PPIP5K2: variants seen among roughly 807,000 people sequenced by gnomAD.
The protein encoded by PPIP5K2 is diphosphoinositol pentakisphosphate kinase 2.
In PPIP5K2, 105 loss-of-function variants were observed where a neutral mutation model predicts 154.6. The observed-to-expected ratio is 0.68, with a 90% CI of 0.58 to 0.80. The LOEUF (loss-of-function observed/expected upper bound fraction) is 0.80. Ranked by LOEUF, PPIP5K2 falls within the 30% of genes least tolerant of loss-of-function variation. The probability of loss-of-function intolerance (pLI) is 0.00; values close to 1 mark genes in which losing one functional copy is unlikely to be tolerated. For missense variants in PPIP5K2, 992 were observed against 1,504.6 expected (o/e 0.66, Z 5.64); for synonymous variants, 480 against 490.3 (o/e 0.98, Z 0.28).
At chr5:103,154,089 T>C (rs1554212252) in intron 11 of PPIP5K2, among the ~76,000 whole-genome samples, 155 bp downstream of exon 11, 1 of 151,934 alleles carries the variant, frequency 6.6e-6, no homozygotes, top group African/African-American at 2.4e-5. Context: ...ACAAAATCCA[T>C]TTAAAATATG....
At chr5:103,124,341 TATTTGA>T (rs1554200071) in intron 1 of PPIP5K2, among the ~76,000 whole-genome samples, 1 of 151,976 alleles carries the variant, frequency 6.6e-6, no homozygotes, top group Admixed American at 6.6e-5. Flanking sequence ...GACAGAAATG[TATTTGA>T]ATTTATTTTA....
chr5:103,181,934 G>A (rs1253188997), intron 24 of PPIP5K2, among the ~76,000 whole-genome samples: 2 of 151,994 alleles, frequency 1.3e-5, no homozygotes, highest in East Asian at 1.9e-4. Flanking sequence ...TCCCTTGAAT[G>A]TGATATTTTA....
At position 103,152,702 on chromosome 5, in the gene PPIP5K2, C is replaced by G. The variant is rs782450681; in HGVS notation, c.1083C>G (p.Pro361=). The G allele has an allele frequency of 6.3e-7, 1 of 1,596,200 alleles. No homozygotes were observed. The highest frequency in any genetic ancestry group is 1.7e-5 in the Admixed American group (1 of 59,850). ...AATTTCATATTCCATGGTCAATACC[C>G]TTAGAAGCTGAAGATATCCCAATTG... ...APQFHIPWSI[P]LEAEDIPIVP... The change falls in exon 10 of 31, where the codon CCC becomes CCG. Residue 361 remains proline, a synonymous_variant. Coordinates refer to ENST00000358359, the MANE Select transcript of PPIP5K2 (RefSeq NM_001276277.3).
chr5:103,177,650 A>C lies in PPIP5K2; in HGVS notation c.2530-17A>C. 1 of 1,541,398 alleles carries C rather than the reference A, an allele frequency of 6.5e-7. No homozygotes were observed. Among genetic ancestry groups the C allele is most frequent in the East Asian group, 2.3e-5 (1 of 44,298 alleles). On this transcript the variant is annotated splice_polypyrimidine_tract_variant and intron_variant, in intron 21 of 30. Coordinates refer to ENST00000358359, the MANE Select transcript of PPIP5K2 (RefSeq NM_001276277.3). ...CACAGTTTGAGAAAATGATTACCAC[A>C]TGTATCTTTTGTTCAGGAATCAAAG...
intron 26 of PPIP5K2, among the ~76,000 whole-genome samples, chr5:103,185,395 A>G (rs1800202335): frequency 6.6e-6 from 1 of 152,152 alleles, no homozygotes. Context: ...AGGCATAAAC[A>G]GATCTCGTTG....
chr5:103,153,200 T>C (rs74430357), intron 10 of PPIP5K2, among the ~76,000 whole-genome samples: 7,909 of 151,932 alleles, frequency 0.052, 525 homozygotes, highest in African/African-American at 0.16. Context: ...TATCCTGAGA[T>C]GTACTGATGA....
At chr5:103,134,600 C>T (rs74332690) in intron 3 of PPIP5K2, among the ~76,000 whole-genome samples, 2 of 152,134 alleles carry the variant, frequency 1.3e-5, no homozygotes, top group Non-Finnish European at 2.9e-5. Context: ...AAATTTCTTC[C>T]TCCTTGAGAG....
chr5:103,202,770 T>G lies in PPIP5K2; in HGVS notation c.*1136T>G, dbSNP rs1803199266. On this transcript the variant is annotated 3_prime_UTR_variant, in exon 31 of 31. Coordinates refer to ENST00000358359, the MANE Select transcript of PPIP5K2 (RefSeq NM_001276277.3). ...GTGAACAGCTTGAAATGACTTAAAC[T>G]GTAATCCAAATGGGACAATCTGATA... is the stretch of plus-strand genomic sequence containing the variant. The G allele has an allele frequency of 6.6e-6, 1 of 152,110 alleles. No individual in the cohort carries two copies. Among genetic ancestry groups the G allele is most frequent in the Non-Finnish European group, 1.5e-5 (1 of 67,994 alleles). The allele number at this position is 152,110 out of a possible 1,614,324, so 9.4% of individuals were successfully genotyped here. A position where few individuals can be genotyped will look rare whatever the true frequency, so the allele number is the denominator to read the frequency against.
In PPIP5K2 at chr5:103,209,307, AC is replaced by A. The variant is rs1803678793; in HGVS notation, c.*7679del. On this transcript the variant is annotated 3_prime_UTR_variant, in exon 31 of 31. Transcript: ENST00000358359. The stretch of plus-strand genomic sequence containing the variant: ...CCTGCCTAGTAACAATCTAACAGAC[AC>A]CCCCCAAAAACCAAAAAATAAAGGT... The A allele has an allele frequency of 6.6e-6, 1 of 151,934 alleles. No homozygotes were observed. The highest frequency in any genetic ancestry group is 2.4e-5 in the African/African-American group (1 of 41,360). The allele number at this position is 151,934 out of a possible 1,614,324, so 9.4% of individuals were successfully genotyped here.
chr5:103,124,278 CAAAA>C (rs71226931), intron 1 of PPIP5K2, among the ~76,000 whole-genome samples: 14 of 126,872 alleles, frequency 1.1e-4, no homozygotes, highest in African/African-American at 2.8e-4. Flanking sequence ...GACTCCATCT[CAAAA>C]AAAAAAAAAA....
intron 5 of PPIP5K2, among the ~76,000 whole-genome samples, chr5:103,142,517 G>A (rs1554207443): frequency 6.6e-6 from 1 of 152,238 alleles, no homozygotes; most frequent in East Asian, 1.9e-4. Flanking sequence ...GGCTCCTCAA[G>A]CGCCGCCAAA....
chr5:103,196,940 G>T (rs1802174261), intron 30 of PPIP5K2, among the ~76,000 whole-genome samples: 1 of 152,106 alleles, frequency 6.6e-6, no homozygotes, highest in Non-Finnish European at 1.5e-5. Context: ...AGAAGGATCA[G>T]AGAAACAGAA....
rs138597989 is a variant in PPIP5K2, at chr5:103,136,794, T to C, written c.373T>C (p.Leu125=). Residue 125 remains leucine (L), a synonymous_variant, in exon 4 of 31, where the codon TTG becomes CTG. Transcript: ENST00000358359. ...CAGGAATCCATTTGTAATCAATGAC[T>C]TGAATATGCAGTATCTCATACAAGA... is the stretch of plus-strand genomic sequence containing the variant. ...KLRNPFVIND[L]NMQYLIQDRR... 4 of 1,613,524 alleles carry C rather than the reference T, an allele frequency of 2.5e-6. No individual in the cohort carries two copies. The African/African-American group carries it at 5.3e-5, about 22-fold the overall frequency.
chr5:103,154,612 A>G (rs782788368), intron 11 of PPIP5K2, 58 bp from the exon 12 acceptor site: 39 of 1,034,494 alleles, frequency 3.8e-5, no homozygotes, highest in Non-Finnish European at 4.6e-5. Flanking sequence ...TAGTTTAAAC[A>G]TATATTGGTA....
intron 30 of PPIP5K2, among the ~76,000 whole-genome samples, chr5:103,199,768 A>G (rs1802682294): frequency 6.6e-6 from 1 of 151,530 alleles, no homozygotes; most frequent in Admixed American, 6.6e-5. Flanking sequence ...TTTATTTCAG[A>G]TATTTATTCT....
chr5:103,170,178 T>C (rs1797761711), intron 19 of PPIP5K2, among the ~76,000 whole-genome samples: 1 of 151,646 alleles, frequency 6.6e-6, no homozygotes, highest in Non-Finnish European at 1.5e-5. Flanking sequence ...TCAGGTGTAT[T>C]GTTTATATAG....
chr5:103,199,722 CT>C (rs1206031915), intron 30 of PPIP5K2, among the ~76,000 whole-genome samples: 4 of 151,510 alleles, frequency 2.6e-5, no homozygotes, highest in African/African-American at 9.7e-5. Context: ...ACTTTTCATT[CT>C]GTTGTTAAAC....
chr5:103,122,053 A>G (rs1245498448), intron 1 of PPIP5K2, among the ~76,000 whole-genome samples: 4 of 152,196 alleles, frequency 2.6e-5, no homozygotes, highest in African/African-American at 9.7e-5. Flanking sequence ...GTGTGTTGAT[A>G]TCTAGTACTT....
Position 103,168,160 on chromosome 5 carries a change from A to T in PPIP5K2, c.2151A>T (p.Arg717Ser). 1 of 1,609,314 alleles carries T rather than the reference A, an allele frequency of 6.2e-7. No homozygotes were observed. Among genetic ancestry groups the T allele is most frequent in the Non-Finnish European group, 8.5e-7 (1 of 1,176,432 alleles). Residue 717 changes from arginine to serine, a missense_variant, in exon 19 of 31, where the codon AGA becomes AGT. Physicochemically the swap from Arg to Ser is moderately radical, Grantham distance 110. Coordinates refer to ENST00000358359, the MANE Select transcript of PPIP5K2 (RefSeq NM_001276277.3). ...AAGACTTTAAAACAAAGAATGGAAGATATGATATTAGTAAAATCCCTGACA... is the reference window on the plus strand; with the variant it reads ...AAGACTTTAAAACAAAGAATGGAAGTTATGATATTAGTAAAATCCCTGACA... ...LEKDFKTKNG[R>S]YDISKIPDIY...
Sources: allele counts gnomAD v4.1 joint callset (sites outside exome capture counted in the v4.1 genomes callset), GRCh38; gene constraint gnomAD v4.1.1; transcripts MANE v1.5; gene names NCBI Gene and HGNC (gene_info 2026-07-23, HGNC 2026-07-21).